The following PLCB4 variants were observed in gnomAD, a reference collection of about 807,000 sequenced individuals.
PLCB4 encodes phospholipase C beta 4.
PLCB4 carries 77 observed loss-of-function variants against 178.8 expected under a neutral mutation model. The ratio of observed to expected loss-of-function variants is 0.43; its 90% CI spans 0.36 to 0.52. The LOEUF (loss-of-function observed/expected upper bound fraction) is 0.52, where lower values mean the gene tolerates loss of function less well. Among genes scored for constraint, PLCB4 ranks in the 20% least tolerant of loss-of-function variants. The pLI is 0.00. For missense variants in PLCB4, 1,024 were observed against 1,453.4 expected (o/e 0.70, Z 4.80); for synonymous variants, 496 against 490.8 (o/e 1.01, Z -0.14).
chr20:9,296,205 A>G (rs2094632329), intron 3 of PLCB4, among the ~76,000 whole-genome samples: 1 of 152,198 alleles, frequency 6.6e-6, no homozygotes, highest in Non-Finnish European at 1.5e-5. Flanking sequence ...AAGGATGTGA[A>G]CAGACACTTC....
intron 3 of PLCB4, among the ~76,000 whole-genome samples, chr20:9,250,361 A>G (rs2094167332): frequency 6.6e-6 from 1 of 152,218 alleles, no homozygotes; most frequent in Admixed American, 6.5e-5. Flanking sequence ...GCATTAAAAC[A>G]CTTCTAAACA....
chr20:9,371,099 T>C (rs2036216000), intron 9 of PLCB4, 115 bp from the exon 10 acceptor site: 2 of 715,098 alleles, frequency 2.8e-6, no homozygotes, highest in Admixed American at 4.1e-5. Context: ...GGTAATTTTA[T>C]TCTCCTCTTC....
chr20:9,242,800 T>A (rs541734938), intron 3 of PLCB4, among the ~76,000 whole-genome samples: 1 of 152,278 alleles, frequency 6.6e-6, no homozygotes, highest in South Asian at 2.1e-4. Context: ...ATTCTCAGGC[T>A]CACCCCAGAC....
chr20:9,346,923 C>G (rs571857167), intron 7 of PLCB4, among the ~76,000 whole-genome samples: 1 of 152,284 alleles, frequency 6.6e-6, no homozygotes, highest in Non-Finnish European at 1.5e-5. Context: ...CTCCCATGAC[C>G]ACCTTTTTCC....
At chr20:9,443,391 C>T (rs762010804) in intron 30 of PLCB4, among the ~76,000 whole-genome samples, 3 of 152,148 alleles carry the variant, frequency 2.0e-5, no homozygotes, top group Non-Finnish European at 4.4e-5. Flanking sequence ...TGATCAGCTC[C>T]CCTTTATGGG....
chr20:9,415,509 G>A lies in PLCB4; in HGVS notation c.2052-4298G>A, dbSNP rs1232902935. 5.9e-5 allele frequency among the ~76,000 whole-genome samples: 9 copies of A among 152,148 alleles called. No homozygotes were observed. In the South Asian group the frequency reaches 1.0e-3, roughly 17 times the overall value. On this transcript the variant is annotated intron_variant, in intron 25 of 39. Transcript: ENST00000378473. ...TTATGACCCCATTTTCTCATTCTTG[G>A]TGCTCCTATCCACCCACCTGGTTAG...
At chr20:9,382,673 G>T (rs993202837) in intron 13 of PLCB4, among the ~76,000 whole-genome samples, 1 of 152,150 alleles carries the variant, frequency 6.6e-6, no homozygotes, top group South Asian at 2.1e-4. Flanking sequence ...CCTCAGAAGG[G>T]CTTTCACTGG....
chr20:9,448,702 G>T (rs1424044886), intron 32 of PLCB4, among the ~76,000 whole-genome samples: 1 of 151,668 alleles, frequency 6.6e-6, no homozygotes, highest in Non-Finnish European at 1.5e-5. Context: ...TTCCAATGTG[G>T]CCCAAGGAAG....
chr20:9,279,466 G>A (rs1601584689), intron 3 of PLCB4, among the ~76,000 whole-genome samples: 1 of 151,924 alleles, frequency 6.6e-6, no homozygotes, highest in Non-Finnish European at 1.5e-5. Flanking sequence ...AGACATCAAA[G>A]GACAGACAGG....
rs564301521 is a variant in PLCB4, at chr20:9,319,905, A to G, written c.84+12007A>G. On this transcript the variant is annotated intron_variant, in intron 4 of 39. Coordinates refer to ENST00000378473, the MANE Select transcript of PLCB4 (RefSeq NM_001377142.1). ...ATGACAGGTGTTTTTTAGCACAGACAGTAGTAAATCACTACTACTTTGAGC... is the reference window on the plus strand; with the variant it reads ...ATGACAGGTGTTTTTTAGCACAGACGGTAGTAAATCACTACTACTTTGAGC... 2.0e-5 allele frequency among the ~76,000 whole-genome samples: 3 copies of G among 152,326 alleles called. No homozygotes were observed. The East Asian group carries it at 5.8e-4, about 29-fold the overall frequency.
intron 2 of PLCB4, among the ~76,000 whole-genome samples, chr20:9,184,409 C>T (rs1315970349): frequency 1.3e-5 from 2 of 152,068 alleles, no homozygotes; most frequent in African/African-American, 4.8e-5. Context: ...CCAGGTGAAA[C>T]CCCCAGCATG....
intron 7 of PLCB4, among the ~76,000 whole-genome samples, chr20:9,360,306 G>A (rs1001709285): frequency 6.6e-6 from 1 of 152,158 alleles, no homozygotes; most frequent in Non-Finnish European, 1.5e-5. Context: ...CACTCTCACT[G>A]ACCTTTCCAT....
At chr20:9,167,688 T>C (rs2092995384) in intron 2 of PLCB4, among the ~76,000 whole-genome samples, 1 of 152,232 alleles carries the variant, frequency 6.6e-6, no homozygotes, top group African/African-American at 2.4e-5. Flanking sequence ...TCATATAATA[T>C]GCACATGTTC....
chr20:9,279,503 A>G (rs1476447653), intron 3 of PLCB4, among the ~76,000 whole-genome samples: 1 of 152,030 alleles, frequency 6.6e-6, no homozygotes, highest in Non-Finnish European at 1.5e-5. Context: ...ATAGGTAGGA[A>G]TAGAAGATTC....
chr20:9,206,074 G>T (rs2093610270), intron 2 of PLCB4, among the ~76,000 whole-genome samples: 1 of 152,114 alleles, frequency 6.6e-6, no homozygotes, highest in African/African-American at 2.4e-5. Context: ...GACAGCATTG[G>T]TTTAAGGGAA....
intron 4 of PLCB4, among the ~76,000 whole-genome samples, chr20:9,324,104 G>A (rs2029955618): frequency 2.0e-5 from 3 of 151,544 alleles, no homozygotes; most frequent in African/African-American, 7.3e-5. Flanking sequence ...AAGCCCAGGA[G>A]TTAGAGGTTG....
chr20:9,379,893 A>G (rs921930833), intron 12 of PLCB4, among the ~76,000 whole-genome samples, 161 bp from the exon 13 acceptor site: 1 of 152,144 alleles, frequency 6.6e-6, no homozygotes, highest in African/African-American at 2.4e-5. Flanking sequence ...TTTTTGAAGT[A>G]TACTTTAAGG....
chr20:9,383,605 G>A (rs915448118), intron 13 of PLCB4, among the ~76,000 whole-genome samples: 2 of 152,130 alleles, frequency 1.3e-5, no homozygotes, highest in African/African-American at 4.8e-5. Flanking sequence ...AATGACCACT[G>A]TATACTCTTC....
chr20:9,318,420 G>A (rs553880393), intron 4 of PLCB4, among the ~76,000 whole-genome samples: 1 of 151,992 alleles, frequency 6.6e-6, no homozygotes, highest in Non-Finnish European at 1.5e-5. Flanking sequence ...ACATGGGTGT[G>A]AGGCATGCAA....
Sources: gnomAD v4.1 joint callset for allele counts (sites outside exome capture counted in the v4.1 genomes callset) on GRCh38, gnomAD v4.1.1 for gene constraint, MANE v1.5 for transcripts, NCBI Gene and HGNC (gene_info 2026-07-23, HGNC 2026-07-21) for gene names.